CCDC22: variants seen among roughly 807,000 people sequenced by gnomAD.
The protein encoded by CCDC22 is coiled-coil domain-containing protein 22.
Under a neutral mutation model 53.1 loss-of-function variants are expected in CCDC22, and 4 were observed. The observed-to-expected ratio is 0.08, with a 90% CI of 0.04 to 0.17. The LOEUF is 0.17. Among genes scored for constraint, CCDC22 ranks in the 10% least tolerant of loss-of-function variants. The pLI, the probability that CCDC22 is intolerant of heterozygous loss-of-function variation, is 1.00. For missense variants in CCDC22, 458 were observed against 554.0 expected, an observed-to-expected ratio of 0.83 and a Z score of 1.74; for synonymous variants, 222 against 224.4, an observed-to-expected ratio of 0.99 and a Z score of 0.10.
chrX:49,235,601 C>T lies in CCDC22; in HGVS notation c.-36C>T, dbSNP rs995920282. 3 of 1,156,460 alleles carry T rather than the reference C, an allele frequency of 2.6e-6. No individual in the cohort carries two copies. The East Asian group carries it at 9.7e-5, about 37-fold the overall frequency. On this transcript the variant is annotated 5_prime_UTR_variant, in exon 1 of 17. Transcript: ENST00000376227. ...TGCTCCCCACTTTCTCGGACCCGGT[C>T]CTGGACCCAGCCCCCGACTCCGACA...
Position 49,248,695 on chromosome X carries a change from T to C in CCDC22, c.1392T>C (p.Ala464=), listed in dbSNP as rs1557114806. 8.3e-7 allele frequency: 1 copy of C among 1,210,654 alleles called. No homozygotes were observed. Among genetic ancestry groups the C allele is most frequent in the South Asian group, 1.8e-5 (1 of 56,807 alleles). The change falls in exon 12 of 17, where the codon GCT becomes GCC. Residue 464 remains alanine (A), a synonymous_variant. Transcript: ENST00000376227. ...TGCACCAGAGTGTCCGGGCGGCTGCTGAAGAGGCCCGCAGGAAGGAGGAGG... is the reference window on the plus strand; with the variant it reads ...TGCACCAGAGTGTCCGGGCGGCTGCCGAAGAGGCCCGCAGGAAGGAGGAGG... ...QELHQSVRAA[A]EEARRKEEVY...
rs782616050 is a variant in CCDC22, at chrX:49,249,217, G to A, written c.1590G>A (p.Gly530=). The change falls in exon 14 of 17, where the codon GGG becomes GGA. Residue 530 remains glycine, a synonymous_variant. Coordinates refer to ENST00000376227, the MANE Select transcript of CCDC22 (RefSeq NM_014008.5). ...AGAAGGAAATCAACTCCCTATCTGGGAAGCTGGACCGGACGTTTGCGGTGA... is the reference window on the plus strand; with the variant it reads ...AGAAGGAAATCAACTCCCTATCTGGAAAGCTGGACCGGACGTTTGCGGTGA... ...ELQKEINSLS[G]KLDRTFAVTD... The A allele has an allele frequency of 6.4e-5, 77 of 1,209,775 alleles. No individual in the cohort carries two copies. Among genetic ancestry groups the A allele is most frequent in the Non-Finnish European group, 7.8e-5 (70 of 894,657 alleles).
Position 49,250,359 on chromosome X carries a change from C to T in CCDC22, c.*98C>T, listed in dbSNP as rs1181847838. The T allele has an allele frequency of 3.5e-5, 19 of 539,686 alleles. No homozygotes were observed. The highest frequency in any genetic ancestry group is 5.6e-5 in the Non-Finnish European group (17 of 303,618). 44.5% of individuals were successfully genotyped at this position (539,686 alleles called of 1,213,427 possible). ...TGCCCTAGCTACTTCCTCCGCTGTC[C>T]AGTTCCTCCTGCTGCGGCCTTGGAC... On this transcript the variant is annotated 3_prime_UTR_variant, in exon 17 of 17. Coordinates refer to ENST00000376227, the MANE Select transcript of CCDC22 (RefSeq NM_014008.5).
intron 16 of CCDC22, 146 bp from the exon 17 acceptor site, chrX:49,250,002 G>A: frequency 2.1e-6 from 1 of 474,899 alleles, no homozygotes; most frequent in Non-Finnish European, 3.8e-6. Flanking sequence ...TGGGTAGAGG[G>A]AACACCACAC....
At chrX:49,244,426 T>A (rs964976477) in intron 6 of CCDC22, among the ~76,000 whole-genome samples, 2 of 110,795 alleles carry the variant, frequency 1.8e-5, no homozygotes, top group Non-Finnish European at 3.8e-5. Flanking sequence ...TACTTCTTAA[T>A]CTCTCTCCTC....
At chrX:49,243,021 T>C in intron 4 of CCDC22, 29 bp downstream of exon 4, 1 of 1,134,605 alleles carries the variant, frequency 8.8e-7, no homozygotes, top group Non-Finnish European at 1.2e-6. Context: ...ATGGATCTTC[T>C]CTTGTCCCCG....
chrX:49,237,454 G>A (rs2065943191), intron 2 of CCDC22, among the ~76,000 whole-genome samples, 191 bp downstream of exon 2: 1 of 112,242 alleles, frequency 8.9e-6, no homozygotes, highest in Admixed American at 9.5e-5. Flanking sequence ...CTGCCAAACT[G>A]CCTGAGTAGT....
chrX:49,248,691 C>T lies in CCDC22; in HGVS notation c.1388C>T (p.Ala463Val). The T allele has an allele frequency of 8.3e-7, 1 of 1,211,173 alleles. No individual in the cohort carries two copies. Among genetic ancestry groups the T allele is most frequent in the Non-Finnish European group, 1.1e-6 (1 of 895,311 alleles). ...IQELHQSVRA[A>V]AEEARRKEEV... ...GAACTGCACCAGAGTGTCCGGGCGGCTGCTGAAGAGGCCCGCAGGAAGGAG... is the reference window on the plus strand; with the variant it reads ...GAACTGCACCAGAGTGTCCGGGCGGTTGCTGAAGAGGCCCGCAGGAAGGAG... Residue 463 changes from alanine to valine, a missense_variant, in exon 12 of 17, where the codon GCT (alanine) becomes GTT (valine). By Grantham distance (64) the Ala-to-Val change is moderately conservative (BLOSUM62 0). This residue lies in a region of CCDC22 where 309 missense variants were observed against 312.3 expected (regional missense o/e 0.99). Coordinates refer to ENST00000376227, the MANE Select transcript of CCDC22 (RefSeq NM_014008.5).
chrX:49,237,759 C>CTTTT (rs782723167), intron 2 of CCDC22, among the ~76,000 whole-genome samples: 1 of 94,139 alleles, frequency 1.1e-5, no homozygotes, highest in Non-Finnish European at 2.1e-5. Flanking sequence ...ATGGTCATTC[C>CTTTT]TTTTTTTTTT....
chrX:49,237,656 A>T (rs2065944003), intron 2 of CCDC22, among the ~76,000 whole-genome samples: 1 of 110,544 alleles, frequency 9.0e-6, no homozygotes, highest in South Asian at 3.8e-4. Flanking sequence ...CCCACCCCAT[A>T]GTATCCATTT....
chrX:49,247,699 G>A lies in CCDC22; in HGVS notation c.1023G>A (p.Leu341=). The part of the protein sequence containing the change: ...EQELESLREQ[L]EGVNRSIEEV... Reference sequence around the variant, plus strand: ...AGCTCGAGTCCCTTCGGGAGCAGCTGGAAGGAGTGAACCGCAGCATTGAGG... The same window carrying A: ...AGCTCGAGTCCCTTCGGGAGCAGCTAGAAGGAGTGAACCGCAGCATTGAGG... Residue 341 remains leucine, a synonymous_variant, in exon 9 of 17, where the codon CTG becomes CTA. Transcript: ENST00000376227. The A allele has an allele frequency of 7.5e-6, 9 of 1,207,610 alleles. No homozygotes were observed. Among genetic ancestry groups the A allele is most frequent in the Non-Finnish European group, 1.0e-5 (9 of 893,253 alleles).
At chrX:49,238,067 CTTTTTTTCTTTTT>C (rs1446579339) in intron 2 of CCDC22, among the ~76,000 whole-genome samples, 5 of 95,188 alleles carry the variant, frequency 5.3e-5, no homozygotes, top group African/African-American at 8.8e-5. Context: ...CTTTTCTTTT[CTTTTTTTCTTTTT>C]TTTTTTTTTT....
chrX:49,246,679 GGT>G (rs2065991220), intron 6 of CCDC22, 50 bp from the exon 7 acceptor site: 1 of 1,027,873 alleles, frequency 9.7e-7, no homozygotes. Flanking sequence ...CAGGGCCTTG[GGT>G]GCTAGGTGGG....
At chrX:49,239,341 T>G in intron 2 of CCDC22, 1 of 342,317 alleles carries the variant, frequency 2.9e-6, no homozygotes, top group Non-Finnish European at 3.8e-6. Context: ...TTGTAGCTAC[T>G]GTATAGGGTT....
At position 49,235,826 on chromosome X, in the gene CCDC22, TACACACACACACAC is replaced by T. The variant is rs797042658; in HGVS notation, c.50+165_50+178del. 1.3e-3 allele frequency: 311 copies of T among 243,275 alleles called. 2 individuals carry two copies. Among genetic ancestry groups the T allele is most frequent in the East Asian group, 1.0e-2 (176 of 17,685 alleles). The allele number at this position is 243,275 out of a possible 1,213,427, so 20.0% of individuals were successfully genotyped here. ...CAGGATCCTAAGACCCTCACCCCCT[TACACACACACACAC>T]ACACACACACACACACACACACACG... On this transcript the variant is annotated intron_variant, in intron 1 of 16. Transcript: ENST00000376227.
At chrX:49,249,602 TG>T in intron 15 of CCDC22, 34 bp downstream of exon 15, 1 of 93,657 alleles carries the variant, frequency 1.1e-5, no homozygotes. Flanking sequence ...GTGGGGCTGC[TG>T]GGGGTGGGTG....
rs782717111 is a variant in CCDC22 at position 49,247,784 on chromosome X, G to C, written c.1092+16G>C. ...CTTTGTGCAGGTAAGGGGCGGAGGA[G>C]GGGCTGCGCGTTGGGCTAGGTCAGA... On this transcript the variant is annotated intron_variant, in intron 9 of 16. Transcript: ENST00000376227. 1 of 1,210,477 alleles carries C rather than the reference G, an allele frequency of 8.3e-7. No homozygotes were observed.
chrX:49,241,926 G>C (rs1280808538), intron 2 of CCDC22, 90 bp from the exon 3 acceptor site: 1 of 1,055,736 alleles, frequency 9.5e-7, no homozygotes. Flanking sequence ...GGTGGTTAGT[G>C]AGAAAGTGGG....
chrX:49,246,857 G>T lies in CCDC22; in HGVS notation c.841G>T (p.Ala281Ser). ...GGGAGAACTGCTGCAGGCCTGGGGT[G>T]CTGGGGCCAAGACTGGTGCTCCTAA... ...DLGELLQAWG[A>S]GAKTGAPKGS... is the part of the protein sequence containing the mutation. The change falls in exon 7 of 17, where the codon GCT becomes TCT. Residue 281 changes from alanine (A) to serine (S), a missense_variant. By Grantham distance (99) the Ala-to-Ser change is moderately conservative (BLOSUM62 1). Around this residue, in one of 4 missense-constraint regions of CCDC22, gnomAD observed 309 missense variants for 312.3 expected, o/e 0.99. Coordinates refer to ENST00000376227, the MANE Select transcript of CCDC22 (RefSeq NM_014008.5). The T allele has an allele frequency of 1.7e-6, 2 of 1,202,464 alleles. No individual in the cohort carries two copies. Among genetic ancestry groups the T allele is most frequent in the Non-Finnish European group, 2.2e-6 (2 of 890,674 alleles).
Sources: gnomAD v4.1 joint callset for allele counts (sites outside exome capture counted in the v4.1 genomes callset) on GRCh38, gnomAD v4.1.1 for gene constraint, gnomAD v4.1.1 regional missense constraint, MANE v1.5 for transcripts, NCBI Gene and HGNC (gene_info 2026-07-23, HGNC 2026-07-21) for gene names.